Variants in LRRC4C observed in about 807,000 individuals in gnomAD.
The protein encoded by LRRC4C is leucine rich repeat containing 4C, also known as leucine-rich repeat-containing protein 4C.
A neutral mutation model predicts 33.6 loss-of-function variants in LRRC4C; 5 were observed. That is an observed-to-expected ratio of 0.15 (90% confidence interval 0.08 to 0.31). LRRC4C has a LOEUF of 0.31. LRRC4C is among the 10% of genes least tolerant of loss of function. The probability of loss-of-function intolerance (pLI) is 1.00; values close to 1 mark genes in which losing one functional copy is unlikely to be tolerated. For missense variants in LRRC4C, 560 were observed against 796.7 expected, an observed-to-expected ratio of 0.70 and a Z score of 3.58; for synonymous variants, 329 against 302.0, an observed-to-expected ratio of 1.09 and a Z score of -0.93.
chr11:40,610,650 G>C (rs994882500), intron 3 of LRRC4C, among the ~76,000 whole-genome samples: 4 of 151,678 alleles, frequency 2.6e-5, no homozygotes, highest in African/African-American at 9.7e-5. Flanking sequence ...ACAACTATTA[G>C]AACTAAATAA....
At chr11:40,339,668 C>T (rs897310602) in intron 3 of LRRC4C, among the ~76,000 whole-genome samples, 1 of 152,102 alleles carries the variant, frequency 6.6e-6, no homozygotes, top group Non-Finnish European at 1.5e-5. Context: ...AGTGATTAGA[C>T]ATGGTTTGTG....
At chr11:40,956,468 C>T (rs916175495) in intron 1 of LRRC4C, among the ~76,000 whole-genome samples, 3 of 151,634 alleles carry the variant, frequency 2.0e-5, no homozygotes, top group Non-Finnish European at 4.4e-5. Context: ...ACAAGATCTG[C>T]TATGTATTTA....
At chr11:40,552,707 A>C (rs1457426897) in intron 3 of LRRC4C, among the ~76,000 whole-genome samples, 1 of 152,204 alleles carries the variant, frequency 6.6e-6, no homozygotes, top group Non-Finnish European at 1.5e-5. Context: ...ATAATCCTAA[A>C]TAATGGGTTT....
At chr11:41,350,090 T>A (rs1330648795) in intron 1 of LRRC4C, among the ~76,000 whole-genome samples, 1 of 152,122 alleles carries the variant, frequency 6.6e-6, no homozygotes, top group African/African-American at 2.4e-5. Flanking sequence ...TGTGAAAGAA[T>A]GAAAGTTAAA....
chr11:40,915,328 G>A (rs1430776797), intron 2 of LRRC4C, among the ~76,000 whole-genome samples: 1 of 152,026 alleles, frequency 6.6e-6, no homozygotes, highest in Non-Finnish European at 1.5e-5. Flanking sequence ...AAACAGCATG[G>A]TACTGGTACC....
chr11:41,385,084 T>C (rs1399706775), intron 1 of LRRC4C, among the ~76,000 whole-genome samples: 1 of 150,980 alleles, frequency 6.6e-6, no homozygotes, highest in Admixed American at 6.6e-5. Flanking sequence ...TCTAATTATA[T>C]AGATATAATA....
chr11:40,769,612 T>C (rs1019085095), intron 2 of LRRC4C, among the ~76,000 whole-genome samples: 1 of 152,080 alleles, frequency 6.6e-6, no homozygotes, highest in Non-Finnish European at 1.5e-5. Context: ...AAGCAGTATG[T>C]TACCTGCATA....
At position 41,450,746 on chromosome 11, in the gene LRRC4C, C is replaced by T. The variant is rs1305194493; in HGVS notation, c.-496+8685G>A. On this transcript the variant is annotated intron_variant, in intron 1 of 6. Coordinates refer to ENST00000528697, the MANE Select transcript of LRRC4C (RefSeq NM_001258419.2). ...ACAAGGCTCTCTACGGGGCTCCAAC[C>T]TATATCTTCATTCCTTCCTACCAAA... Among the ~76,000 whole-genome samples, 4 of 152,254 alleles carry T rather than the reference C, an allele frequency of 2.6e-5. No individual in the cohort carries two copies. In the East Asian group the frequency reaches 7.7e-4, roughly 29 times the overall value.
intron 3 of LRRC4C, among the ~76,000 whole-genome samples, chr11:40,434,636 C>A (rs923901113): frequency 6.6e-5 from 10 of 152,198 alleles, no homozygotes; most frequent in African/African-American, 2.2e-4. Flanking sequence ...AATGCCAGAC[C>A]TACACTTATC....
chr11:40,909,842 C>T (rs1444210148), intron 2 of LRRC4C, among the ~76,000 whole-genome samples: 2 of 152,128 alleles, frequency 1.3e-5, no homozygotes, highest in Admixed American at 6.5e-5. Flanking sequence ...AAGGTTAATG[C>T]TTTGCCTAAA....
chr11:40,354,477 G>A (rs1025214460), intron 3 of LRRC4C, among the ~76,000 whole-genome samples: 3 of 152,170 alleles, frequency 2.0e-5, no homozygotes, highest in Admixed American at 6.5e-5. Flanking sequence ...CGGAGCCAGG[G>A]CCTGTACTCG....
At chr11:40,565,106 T>G (rs1957702130) in intron 3 of LRRC4C, among the ~76,000 whole-genome samples, 1 of 152,152 alleles carries the variant, frequency 6.6e-6, no homozygotes, top group African/African-American at 2.4e-5. Flanking sequence ...CAGTTGCTGC[T>G]CTGAAATTAA....
chr11:40,242,215 T>C (rs925851495), intron 4 of LRRC4C, among the ~76,000 whole-genome samples: 3 of 152,208 alleles, frequency 2.0e-5, no homozygotes, highest in South Asian at 4.1e-4. Context: ...AATTTTATTA[T>C]GTTAATACAC....
chr11:40,923,989 T>C (rs1428513706), intron 2 of LRRC4C, among the ~76,000 whole-genome samples: 2 of 151,802 alleles, frequency 1.3e-5, no homozygotes, highest in Non-Finnish European at 2.9e-5. Context: ...GCTCAGAAAG[T>C]AATTAGCTTA....
intron 3 of LRRC4C, among the ~76,000 whole-genome samples, chr11:40,376,343 A>G (rs1285088237): frequency 6.6e-6 from 1 of 152,178 alleles, no homozygotes; most frequent in Non-Finnish European, 1.5e-5. Flanking sequence ...CATGTCTTAT[A>G]GATCTGATTC....
intron 2 of LRRC4C, among the ~76,000 whole-genome samples, chr11:40,709,862 T>C (rs1039036052): frequency 6.6e-6 from 1 of 152,188 alleles, no homozygotes. Flanking sequence ...CATAGTCCCA[T>C]ATTTCTTGGA....
chr11:40,270,540 C>T (rs1942616146), intron 4 of LRRC4C, among the ~76,000 whole-genome samples: 1 of 152,068 alleles, frequency 6.6e-6, no homozygotes, highest in Non-Finnish European at 1.5e-5. Flanking sequence ...ATCAGGACCT[C>T]AACCTATGAA....
chr11:40,514,053 C>A (rs889691153), intron 3 of LRRC4C, among the ~76,000 whole-genome samples: 2 of 151,990 alleles, frequency 1.3e-5, no homozygotes, highest in African/African-American at 4.8e-5. Context: ...TTTTTTCTTT[C>A]TTTTATTTTC....
intron 2 of LRRC4C, among the ~76,000 whole-genome samples, chr11:40,847,628 C>A (rs754818856): frequency 1.3e-5 from 2 of 152,038 alleles, no homozygotes; most frequent in African/African-American, 2.4e-5. Context: ...TGTGTCTCTG[C>A]CAGGTTTTAG....
Sources: gnomAD v4.1 joint callset for allele counts (sites outside exome capture counted in the v4.1 genomes callset) on GRCh38, gnomAD v4.1.1 for gene constraint, MANE v1.5 for transcripts, NCBI Gene and HGNC (gene_info 2026-07-23, HGNC 2026-07-21) for gene names.